NR6A1: variants seen among roughly 807,000 people sequenced by gnomAD.
NR6A1 encodes the protein retinoic acid receptor-related testis-associated receptor.
NR6A1 carries 7 observed loss-of-function variants against 59.1 expected under a neutral mutation model. The ratio of observed to expected loss-of-function variants is 0.12; its 90% confidence interval spans 0.07 to 0.22. The LOEUF is 0.22. Ranked by LOEUF, NR6A1 falls within the 10% of genes least tolerant of loss-of-function variation. The probability of loss-of-function intolerance (pLI) is 1.00; values close to 1 mark genes in which losing one functional copy is unlikely to be tolerated. For synonymous variants in NR6A1, 243 were observed against 236.1 expected (o/e 1.03, Z -0.27); for missense variants, 468 against 611.6 (o/e 0.77, Z 2.48).
At chr9:124,653,690 G>A (rs1167038946) in intron 2 of NR6A1, among the ~76,000 whole-genome samples, 1 of 152,220 alleles carries the variant, frequency 6.6e-6, no homozygotes, top group Non-Finnish European at 1.5e-5. Context: ...TTACAGGCAT[G>A]AGCCAAGGCC....
chr9:124,584,772 T>C (rs1201549393), intron 2 of NR6A1, among the ~76,000 whole-genome samples: 1 of 152,144 alleles, frequency 6.6e-6, no homozygotes, highest in Non-Finnish European at 1.5e-5. Context: ...GGCCAGTTAA[T>C]AACCCTAGAA....
At chr9:124,522,912 G>A (rs2131313128) in intron 9 of NR6A1, 119 bp from the exon 10 acceptor site, 1 of 711,228 alleles carries the variant, frequency 1.4e-6, no homozygotes, top group East Asian at 3.0e-5. Context: ...GGCAAGAGAA[G>A]TGCCAGGAGT....
intron 2 of NR6A1, among the ~76,000 whole-genome samples, chr9:124,585,678 C>T (rs1431372834): frequency 2.0e-5 from 3 of 151,710 alleles, no homozygotes; most frequent in African/African-American, 7.3e-5. Flanking sequence ...GATGAAGGGG[C>T]CTTATATTGG....
chr9:124,579,387 C>CA (rs1834697895), intron 2 of NR6A1, among the ~76,000 whole-genome samples: 2 of 152,060 alleles, frequency 1.3e-5, no homozygotes, highest in Non-Finnish European at 2.9e-5. Flanking sequence ...CCTGTCCCTA[C>CA]AAAAAATTTA....
At chr9:124,770,980 G>T in intron 1 of NR6A1, 40 bp downstream of exon 1, 1 of 1,116,022 alleles carries the variant, frequency 9.0e-7, no homozygotes, top group South Asian at 4.5e-5. Flanking sequence ...TCAGGAAGCC[G>T]GTTCCTGCCT....
chr9:124,571,597 A>C (rs940732699), intron 2 of NR6A1, among the ~76,000 whole-genome samples: 3 of 152,188 alleles, frequency 2.0e-5, no homozygotes, highest in Admixed American at 2.0e-4. Flanking sequence ...TATTGCCAAG[A>C]TTTCACAGGG....
At chr9:124,550,595 C>G (rs1361626270) in intron 3 of NR6A1, among the ~76,000 whole-genome samples, 1 of 151,820 alleles carries the variant, frequency 6.6e-6, no homozygotes, top group African/African-American at 2.4e-5. Context: ...TGAGCTTAAG[C>G]AATCCACCTG....
chr9:124,633,229 C>T (rs1416802307), intron 2 of NR6A1, among the ~76,000 whole-genome samples: 1 of 151,574 alleles, frequency 6.6e-6, no homozygotes, highest in Non-Finnish European at 1.5e-5. Context: ...ACGGTGAAAC[C>T]CCGTCTCTAC....
chr9:124,632,324 C>A (rs533713527), intron 2 of NR6A1, among the ~76,000 whole-genome samples: 9 of 152,252 alleles, frequency 5.9e-5, no homozygotes, highest in South Asian at 2.1e-4. Context: ...ATCTTGCCAG[C>A]GTCTGTTATT....
intron 2 of NR6A1, among the ~76,000 whole-genome samples, chr9:124,582,186 G>T (rs1262703371): frequency 1.3e-5 from 2 of 152,162 alleles, no homozygotes; most frequent in African/African-American, 4.8e-5. Flanking sequence ...ATGTCCATCA[G>T]TGATAGACTG....
At chr9:124,545,496 T>A (rs902549695) in intron 3 of NR6A1, among the ~76,000 whole-genome samples, 4 of 152,224 alleles carry the variant, frequency 2.6e-5, no homozygotes, top group Admixed American at 6.5e-5. Flanking sequence ...GAGCTAGATG[T>A]ATGCTGCTTG....
intron 1 of NR6A1, among the ~76,000 whole-genome samples, chr9:124,747,042 A>G (rs1446520924): frequency 6.6e-6 from 1 of 152,242 alleles, no homozygotes; most frequent in Non-Finnish European, 1.5e-5. Flanking sequence ...TCAGACTAGT[A>G]AGGGAGGAAA....
intron 1 of NR6A1, among the ~76,000 whole-genome samples, chr9:124,746,693 C>T (rs1840345412): frequency 6.6e-6 from 1 of 152,078 alleles, no homozygotes; most frequent in African/African-American, 2.4e-5. Context: ...ATTTATAGCA[C>T]AACATAAATA....
At chr9:124,644,134 C>T (rs1268834922) in intron 2 of NR6A1, among the ~76,000 whole-genome samples, 3 of 151,904 alleles carry the variant, frequency 2.0e-5, no homozygotes, top group African/African-American at 4.8e-5. Flanking sequence ...CTCTTGACCT[C>T]GTTGTGATCC....
chr9:124,756,559 C>A (rs773722691), intron 1 of NR6A1, among the ~76,000 whole-genome samples: 2 of 152,150 alleles, frequency 1.3e-5, no homozygotes, highest in East Asian at 3.9e-4. Flanking sequence ...TGAAATCAGA[C>A]CTGTTAAAAA....
intron 2 of NR6A1, among the ~76,000 whole-genome samples, chr9:124,681,109 A>G (rs1030002681): frequency 6.6e-6 from 1 of 152,232 alleles, no homozygotes; most frequent in Non-Finnish European, 1.5e-5. Context: ...GTAGGTACAC[A>G]TAAAGCACTT....
At chr9:124,656,749 T>C (rs1476709619) in intron 2 of NR6A1, among the ~76,000 whole-genome samples, 1 of 152,114 alleles carries the variant, frequency 6.6e-6, no homozygotes, top group African/African-American at 2.4e-5. Flanking sequence ...GGAGAATTGC[T>C]TGAACCCAGG....
At position 124,538,141 on chromosome 9, in the gene NR6A1, A is replaced by G; in HGVS notation, c.775T>C (p.Ser259Pro). ...QSYSLIHQLL[S>P]AEDLEPLGTP... ...CCCAATGGTTCCAGGTCCTCGGCTG[A>G]TAACAGCTGGTGAATCAGACTGTAT... The change falls in exon 6 of 10, where the codon TCA becomes CCA. Residue 259 changes from serine (S) to proline (P), a missense_variant. Coordinates refer to ENST00000487099, the MANE Select transcript of NR6A1 (RefSeq NM_033334.4). 2 of 1,614,184 alleles carry G rather than the reference A, an allele frequency of 1.2e-6. No individual in the cohort carries two copies. The highest frequency in any genetic ancestry group is 1.7e-6 in the Non-Finnish European group (2 of 1,180,002).
intron 2 of NR6A1, among the ~76,000 whole-genome samples, chr9:124,654,945 G>A (rs1275550479): frequency 7.4e-6 from 1 of 135,596 alleles, no homozygotes; most frequent in African/African-American, 2.8e-5. Context: ...GAAAACTGAT[G>A]CATCCATTCC....
Sources: gnomAD v4.1 joint callset for allele counts (sites outside exome capture counted in the v4.1 genomes callset) on GRCh38, gnomAD v4.1.1 for gene constraint, MANE v1.5 for transcripts, NCBI Gene and HGNC (gene_info 2026-07-23, HGNC 2026-07-21) for gene names.